The following CCDC171 variants were observed in gnomAD, a reference collection of about 807,000 sequenced individuals.
CCDC171 encodes the protein coiled-coil domain containing 171.
A neutral mutation model predicts 168.2 loss-of-function variants in CCDC171; 177 were observed. That is an observed-to-expected ratio of 1.05 (90% CI 0.93 to 1.19). The LOEUF is 1.19. Ranked by LOEUF, CCDC171 falls within the 50% of genes most tolerant of loss-of-function variation. The probability of loss-of-function intolerance (pLI) is 0.00; values close to 1 mark genes in which losing one functional copy is unlikely to be tolerated. For synonymous variants in CCDC171, 687 were observed against 540.8 expected, an observed-to-expected ratio of 1.27 and a Z score of -3.75; for missense variants, 1,991 against 1,539.0, an observed-to-expected ratio of 1.29 and a Z score of -4.91.
intron 9 of CCDC171, among the ~76,000 whole-genome samples, chr9:15,672,210 T>C (rs1261245508): frequency 1.3e-5 from 2 of 152,228 alleles, no homozygotes; most frequent in Non-Finnish European, 2.9e-5. Context: ...TGTTTTTTTC[T>C]TGTAAATTTG....
chr9:15,936,704 A>G (rs562744210), intron 25 of CCDC171, among the ~76,000 whole-genome samples: 28 of 152,204 alleles, frequency 1.8e-4, no homozygotes, highest in African/African-American at 5.8e-4. Context: ...CAGGCATAAG[A>G]AATTGTAATG....
intron 11 of CCDC171, among the ~76,000 whole-genome samples, chr9:15,710,093 T>A (rs1413211485): frequency 6.6e-6 from 1 of 152,176 alleles, no homozygotes; most frequent in East Asian, 1.9e-4. Context: ...ATATTTAACT[T>A]TGACTCTAAA....
At chr9:15,682,077 C>G (rs1053314008) in intron 10 of CCDC171, among the ~76,000 whole-genome samples, 112 of 152,052 alleles carry the variant, frequency 7.4e-4, no homozygotes, top group African/African-American at 2.5e-3. Flanking sequence ...AAATCTTGGT[C>G]TTTATTTTCT....
intron 3 of CCDC171, among the ~76,000 whole-genome samples, chr9:15,574,499 G>A (rs1253048463): frequency 3.9e-5 from 6 of 151,972 alleles, no homozygotes; most frequent in African/African-American, 9.7e-5. Flanking sequence ...GGCTGGTCGC[G>A]AACTCCTGAC....
chr9:16,102,068 C>A, the CCDC171 span, among the ~76,000 whole-genome samples: 2 of 152,086 alleles, frequency 1.3e-5, no homozygotes, highest in Non-Finnish European at 2.9e-5. Context: ...TCTGGCAGCC[C>A]TCCCTGCATC....
chr9:15,562,207 A>ACTGG (rs962247529), intron 1 of CCDC171, among the ~76,000 whole-genome samples: 2 of 151,654 alleles, frequency 1.3e-5, no homozygotes, highest in Non-Finnish European at 2.9e-5. Flanking sequence ...TCTTAGCCAG[A>ACTGG]CTGGTCTCTA....
intron 24 of CCDC171, among the ~76,000 whole-genome samples, chr9:15,877,844 A>G (rs546843713): frequency 6.6e-6 from 1 of 152,182 alleles, no homozygotes; most frequent in Non-Finnish European, 1.5e-5. Flanking sequence ...TATGATATGT[A>G]CTATTGGTAA....
At chr9:16,005,211 A>G (rs1348723201) in intron 3 of CCDC171, among the ~76,000 whole-genome samples, 1 of 152,218 alleles carries the variant, frequency 6.6e-6, no homozygotes, top group African/African-American at 2.4e-5. Flanking sequence ...CTATCTGTAT[A>G]GATTTAACTA....
At chr9:15,633,301 A>C (rs1485021221) in intron 7 of CCDC171, among the ~76,000 whole-genome samples, 1 of 152,216 alleles carries the variant, frequency 6.6e-6, no homozygotes, top group Non-Finnish European at 1.5e-5. Context: ...TCCAGAATCT[A>C]CAATGAACTC....
intron 18 of CCDC171, among the ~76,000 whole-genome samples, chr9:15,772,022 CG>C (rs2057039078): frequency 6.6e-6 from 1 of 151,962 alleles, no homozygotes; most frequent in Non-Finnish European, 1.5e-5. Context: ...TTAGTAGTGA[CG>C]GGGTTTCTCT....
chr9:16,056,463 C>A (rs188294016), intron 1 of CCDC171, among the ~76,000 whole-genome samples: 29 of 152,238 alleles, frequency 1.9e-4, no homozygotes, highest in Non-Finnish European at 3.8e-4. Context: ...CTATATTTGA[C>A]AGAGAAGTTT....
At chr9:16,102,206 G>T in the CCDC171 span, among the ~76,000 whole-genome samples, 2 of 152,092 alleles carry the variant, frequency 1.3e-5, no homozygotes, top group African/African-American at 4.8e-5. Context: ...CAAAGAGCAG[G>T]GCTAGAAGGG....
At chr9:16,079,847 CT>C in the CCDC171 span, among the ~76,000 whole-genome samples, 1 of 152,206 alleles carries the variant, frequency 6.6e-6, no homozygotes, top group African/African-American at 2.4e-5. Context: ...GTCCTAGGCA[CT>C]TATATTAACT....
At chr9:15,949,239 T>G (rs1564052264) in intron 25 of CCDC171, among the ~76,000 whole-genome samples, 1 of 152,158 alleles carries the variant, frequency 6.6e-6, no homozygotes, top group Non-Finnish European at 1.5e-5. Context: ...TGTAGTATAG[T>G]TTGAAGTCAG....
intron 3 of CCDC171, among the ~76,000 whole-genome samples, chr9:15,994,415 A>T (rs1180585950): frequency 5.9e-5 from 9 of 152,188 alleles, no homozygotes; most frequent in Admixed American, 5.9e-4. Flanking sequence ...GAAGGGGAAC[A>T]TCACACACCA....
chr9:15,943,380 T>A (rs1827940152), intron 25 of CCDC171, among the ~76,000 whole-genome samples: 1 of 152,164 alleles, frequency 6.6e-6, no homozygotes, highest in Admixed American at 6.6e-5. Context: ...TAAGAAATTG[T>A]GCTTGCTTTT....
intron 25 of CCDC171, among the ~76,000 whole-genome samples, chr9:15,958,408 C>T (rs972607922): frequency 6.6e-6 from 1 of 151,662 alleles, no homozygotes; most frequent in Admixed American, 6.6e-5. Context: ...AATTAAATAG[C>T]TACATGTGGC....
chr9:15,555,730 A>G (rs1027675469), intron 1 of CCDC171, among the ~76,000 whole-genome samples: 1 of 152,070 alleles, frequency 6.6e-6, no homozygotes, highest in Admixed American at 6.5e-5. Flanking sequence ...CATGTGCACA[A>G]TGTGCAGGTT....
intron 6 of CCDC171, among the ~76,000 whole-genome samples, chr9:15,597,471 A>G (rs1455443284): frequency 6.6e-6 from 1 of 152,190 alleles, no homozygotes; most frequent in Non-Finnish European, 1.5e-5. Flanking sequence ...ATGTTGAACC[A>G]GCCTTGCATT....
Sources: gnomAD v4.1 joint callset for allele counts (sites outside exome capture counted in the v4.1 genomes callset) on GRCh38, gnomAD v4.1.1 for gene constraint, MANE v1.5 for transcripts, NCBI Gene and HGNC (gene_info 2026-07-23, HGNC 2026-07-21) for gene names.